Variants in CACNB1 observed in about 807,000 individuals in gnomAD.
CACNB1 encodes voltage-dependent L-type calcium channel subunit beta-1.
In CACNB1, 29 loss-of-function variants were observed where a neutral mutation model predicts 71.6. That is an observed-to-expected ratio of 0.40 (90% CI 0.30 to 0.55). CACNB1 has a LOEUF of 0.55. Among genes scored for constraint, CACNB1 ranks in the 20% least tolerant of loss-of-function variants. CACNB1 has a pLI of 0.38. For missense variants in CACNB1, 623 were observed against 801.8 expected (o/e 0.78, Z 2.69); for synonymous variants, 300 against 319.6 (o/e 0.94, Z 0.65).
chr17:39,197,548 C>A lies in CACNB1; in HGVS notation c.-53G>T, dbSNP rs1248723739. ...GCCCGGCCCAGCCGGGCTCCCTCAG[C>A]GCATGGGAGAGGCCGTGGGAGCCGA... On this transcript the variant is annotated 5_prime_UTR_variant, in exon 1 of 14. Coordinates refer to ENST00000394303, the MANE Select transcript of CACNB1 (RefSeq NM_000723.5). 4.4e-6 allele frequency: 6 copies of A among 1,364,976 alleles called. No homozygotes were observed. In the Admixed American group the frequency reaches 1.8e-4, roughly 40 times the overall value. The allele number at this position is 1,364,976 out of a possible 1,614,324, so 84.6% of individuals were successfully genotyped here.
intron 11 of CACNB1, among the ~76,000 whole-genome samples, chr17:39,182,116 C>T (rs1249211945): frequency 6.6e-6 from 1 of 151,074 alleles, no homozygotes; most frequent in Non-Finnish European, 1.5e-5. Flanking sequence ...AGCAAGATCG[C>T]ACCACTACAC....
At chr17:39,177,218 C>T (rs1250719750) in intron 13 of CACNB1, 132 bp downstream of exon 13, 4 of 1,549,338 alleles carry the variant, frequency 2.6e-6, no homozygotes, top group Non-Finnish European at 3.5e-6. Flanking sequence ...GACCCCAGAG[C>T]AGGAGGGAAG....
In CACNB1 at chr17:39,186,402, G is replaced by A. The variant is rs2045941270; in HGVS notation, c.628+94C>T. 2.2e-6 allele frequency: 2 copies of A among 910,240 alleles called. No homozygotes were observed. Among genetic ancestry groups the A allele is most frequent in the Non-Finnish European group, 3.4e-6 (2 of 583,952 alleles). The allele number at this position is 910,240 out of a possible 1,614,324, so 56.4% of individuals were successfully genotyped here. On this transcript the variant is annotated intron_variant, in intron 6 of 13. Transcript: ENST00000394303. The surrounding 1 kb of genome is among the most constrained non-coding windows in gnomAD (Gnocchi z 4.1). ...TGCTTGGGGGACTCAGGATTGGGGTGTTTCCTACTGCAGGGAAAGGAGGAT... is the reference window on the plus strand; with the variant it reads ...TGCTTGGGGGACTCAGGATTGGGGTATTTCCTACTGCAGGGAAAGGAGGAT...
chr17:39,186,161 A>G lies in CACNB1; in HGVS notation c.628+335T>C. 1 of 1,474,348 alleles carries G rather than the reference A, an allele frequency of 6.8e-7. No homozygotes were observed. The highest frequency in any genetic ancestry group is 9.4e-7 in the Non-Finnish European group (1 of 1,059,030). 91.3% of individuals were successfully genotyped at this position (1,474,348 alleles called of 1,614,324 possible). ...GGAGGCGAGGTGGGGAGAAGGAGTG[A>G]GATGAACGTGGAGACACAAGTACAG... is the stretch of plus-strand genomic sequence containing the variant. On this transcript the variant is annotated intron_variant, in intron 6 of 13. Coordinates refer to ENST00000394303, the MANE Select transcript of CACNB1 (RefSeq NM_000723.5). The surrounding 1 kb of genome is among the most constrained non-coding windows in gnomAD (Gnocchi z 4.1).
chr17:39,182,890 A>T, intron 11 of CACNB1: 1 of 895,788 alleles, frequency 1.1e-6, no homozygotes, highest in Non-Finnish European at 1.3e-6. Flanking sequence ...AAAACAACCA[A>T]CAATAAGAAT....
At chr17:39,196,536 A>G (rs563937342) in intron 1 of CACNB1, among the ~76,000 whole-genome samples, 1 of 152,306 alleles carries the variant, frequency 6.6e-6, no homozygotes, top group East Asian at 1.9e-4. Flanking sequence ...CAGTAACAGA[A>G]GAGTTAATGC....
intron 11 of CACNB1, among the ~76,000 whole-genome samples, chr17:39,178,562 T>G (rs1286931786): frequency 6.6e-6 from 1 of 152,012 alleles, no homozygotes; most frequent in East Asian, 1.9e-4. Flanking sequence ...TTTAATTTTT[T>G]TGTAGAAACA....
At chr17:39,187,016 G>T in intron 4 of CACNB1, 87 bp from the exon 5 acceptor site, 1 of 1,452,074 alleles carries the variant, frequency 6.9e-7, no homozygotes, top group Non-Finnish European at 9.5e-7. Context: ...GAAACGCCCA[G>T]ACTCACCTCC....
At chr17:39,184,748 GC>G in intron 8 of CACNB1, 35 bp downstream of exon 8, 1 of 1,369,426 alleles carries the variant, frequency 7.3e-7, no homozygotes, top group Non-Finnish European at 1.0e-6. Context: ...TCTTTCTAAG[GC>G]CCCTCTGCAT....
chr17:39,185,858 G>A, intron 6 of CACNB1: 3 of 1,400,552 alleles, frequency 2.1e-6, no homozygotes, highest in Non-Finnish European at 2.9e-6. Flanking sequence ...GAACAGGTTG[G>A]TACCACATCT....
At chr17:39,184,297 G>A in intron 9 of CACNB1, 28 bp downstream of exon 9, 2 of 1,484,636 alleles carry the variant, frequency 1.3e-6, no homozygotes, top group South Asian at 1.2e-5. Flanking sequence ...GCAACGGCAG[G>A]TGCGAGGAGC....
rs778984916 is a variant in CACNB1, at chr17:39,175,176, C to T, written c.*17G>A. 8 of 1,586,158 alleles carry T rather than the reference C, an allele frequency of 5.0e-6. No homozygotes were observed. The highest frequency in any genetic ancestry group is 4.5e-5 in the East Asian group (2 of 44,718). ...CTGGGCTCAGAGCCCTTCCTCCCGC[C>T]GTGTGGCCCCTGCCTCTCAGCGAAT... is the stretch of plus-strand genomic sequence containing the variant. On this transcript the variant is annotated 3_prime_UTR_variant, in exon 14 of 14. Coordinates refer to ENST00000394303, the MANE Select transcript of CACNB1 (RefSeq NM_000723.5). This position sits in a 1 kb window ranked among gnomAD's most constrained non-coding sequence, Gnocchi z 4.7.
intron 2 of CACNB1, 126 bp from the exon 3 acceptor site, chr17:39,191,719 G>T: frequency 1.1e-6 from 1 of 890,794 alleles, no homozygotes; most frequent in Non-Finnish European, 1.7e-6. Context: ...GACACCACAA[G>T]GGCTAAGACA....
chr17:39,178,457 T>C (rs986933222), intron 11 of CACNB1, among the ~76,000 whole-genome samples: 1 of 150,720 alleles, frequency 6.6e-6, no homozygotes, highest in Non-Finnish European at 1.5e-5. Context: ...GGTGTGAACA[T>C]AGTTCACCTC....
At chr17:39,178,898 A>T (rs944374923) in intron 11 of CACNB1, among the ~76,000 whole-genome samples, 3 of 152,194 alleles carry the variant, frequency 2.0e-5, no homozygotes, top group African/African-American at 7.2e-5. Flanking sequence ...ACACAAACGC[A>T]CACTGAGGGA....
Position 39,193,270 on chromosome 17 carries a change from G to A in CACNB1, c.171+1614C>T, listed in dbSNP as rs536665677. 3.9e-3 allele frequency: 1,177 copies of A among 303,298 alleles called. 6 individuals carry two copies. The highest frequency in any genetic ancestry group is 6.0e-3 in the Non-Finnish European group (904 of 151,162). 18.8% of individuals were successfully genotyped at this position (303,298 alleles called of 1,614,324 possible). On this transcript the variant is annotated intron_variant, in intron 2 of 13. Transcript: ENST00000394303. Reference sequence around the variant, plus strand: ...CACACAGACACACATGTAGGCATGCGCACACATACACACACATATGCAGAC... The same window carrying A: ...CACACAGACACACATGTAGGCATGCACACACATACACACACATATGCAGAC...
chr17:39,186,651 C>A lies in CACNB1; in HGVS notation c.552-79G>T. 1 of 1,501,608 alleles carries A rather than the reference C, an allele frequency of 6.7e-7. No individual in the cohort carries two copies. The highest frequency in any genetic ancestry group is 1.2e-5 in the South Asian group (1 of 84,350). 93.0% of individuals were successfully genotyped at this position (1,501,608 alleles called of 1,614,324 possible). A position where few individuals can be genotyped will look rare whatever the true frequency, so the allele number is the denominator to read the frequency against. ...CTCTCATCCTCTCACATGCGGCACC[C>A]CCGGAGGTGCTCCAGCCCCACTGGT... is the stretch of plus-strand genomic sequence containing the variant. On this transcript the variant is annotated intron_variant, in intron 5 of 13. Transcript: ENST00000394303. The surrounding 1 kb of genome is among the most constrained non-coding windows in gnomAD (Gnocchi z 4.1).
intron 8 of CACNB1, 44 bp downstream of exon 8, chr17:39,184,740 T>C: frequency 7.5e-7 from 1 of 1,331,220 alleles, no homozygotes; most frequent in African/African-American, 1.4e-5. Flanking sequence ...TCTGAAGATC[T>C]TTCTAAGGCC....
chr17:39,191,996 C>T (rs2046092148), intron 2 of CACNB1: 1 of 233,212 alleles, frequency 4.3e-6, no homozygotes, highest in East Asian at 1.7e-4. Context: ...GGCATCCATT[C>T]CAGGGACTGC....
Sources: allele counts gnomAD v4.1 joint callset (sites outside exome capture counted in the v4.1 genomes callset), GRCh38; gene constraint gnomAD v4.1.1; non-coding constraint Gnocchi (gnomAD v3.1); transcripts MANE v1.5; gene names NCBI Gene and HGNC (gene_info 2026-07-23, HGNC 2026-07-21).